RALB: variants seen among roughly 807,000 people sequenced by gnomAD.
The protein encoded by RALB is ras-related protein Ral-B.
A neutral mutation model predicts 21.3 loss-of-function variants in RALB; 16 were observed. That is an observed-to-expected ratio of 0.75 (90% CI 0.51 to 1.14). The LOEUF is 1.14. RALB is among the 50% of genes most tolerant of loss of function. The pLI is 0.00. For missense variants in RALB, 161 were observed against 256.2 expected (o/e 0.63, Z 2.54); for synonymous variants, 93 against 96.1 (o/e 0.97, Z 0.19).
Position 120,281,333 on chromosome 2 carries a change from T to C in RALB, c.114+2555T>C, listed in dbSNP as rs373497706. 7.2e-5 allele frequency among the ~76,000 whole-genome samples: 11 copies of C among 152,376 alleles called. No homozygotes were observed. In the East Asian group the frequency reaches 1.5e-3, roughly 21 times the overall value. The stretch of plus-strand genomic sequence containing the variant: ...CCGGCAGGACAGTCTCCAGCCAGCC[T>C]AGACGGTCTTATAAAATGAAATGGA... On this transcript the variant is annotated intron_variant, in intron 2 of 4. Coordinates refer to ENST00000272519, the MANE Select transcript of RALB (RefSeq NM_002881.3).
In RALB at chr2:120,293,491, C is replaced by A; in HGVS notation, c.*231C>A. On this transcript the variant is annotated 3_prime_UTR_variant, in exon 5 of 5. Coordinates refer to ENST00000272519, the MANE Select transcript of RALB (RefSeq NM_002881.3). Reference sequence around the variant, plus strand: ...AGGTTGTGGAATTTCTTTCTTCTCCCCTTCTTCCCTCCCAAAAGCTTAGCT... The same window carrying A: ...AGGTTGTGGAATTTCTTTCTTCTCCACTTCTTCCCTCCCAAAAGCTTAGCT... 3.3e-6 allele frequency: 1 copy of A among 301,850 alleles called. No individual in the cohort carries two copies. Among genetic ancestry groups the A allele is most frequent in the Non-Finnish European group, 6.0e-6 (1 of 166,500 alleles). 18.7% of individuals were successfully genotyped at this position (301,850 alleles called of 1,614,324 possible). A position where few individuals can be genotyped will look rare whatever the true frequency, so the allele number is the denominator to read the frequency against.
chr2:120,264,341 G>A (rs1329567939), intron 1 of RALB, among the ~76,000 whole-genome samples: 2 of 151,806 alleles, frequency 1.3e-5, no homozygotes, highest in Admixed American at 6.6e-5. Context: ...TAGTAGAGAC[G>A]GGGTTTCACC....
At chr2:120,290,463 T>A (rs1306758774) in intron 4 of RALB, among the ~76,000 whole-genome samples, 1 of 152,210 alleles carries the variant, frequency 6.6e-6, no homozygotes, top group African/African-American at 2.4e-5. Flanking sequence ...GAGGTTCCCC[T>A]GGAGGTGCCC....
chr2:120,269,118 G>C (rs1430247241), intron 1 of RALB, among the ~76,000 whole-genome samples: 1 of 152,130 alleles, frequency 6.6e-6, no homozygotes, highest in African/African-American at 2.4e-5. Context: ...TTGTAATTTG[G>C]TTTGTTCCTT....
chr2:120,277,592 G>A (rs1689843036), intron 1 of RALB, among the ~76,000 whole-genome samples: 1 of 152,222 alleles, frequency 6.6e-6, no homozygotes. Context: ...GTGTGATAGT[G>A]TATGGAGTGT....
intron 1 of RALB, among the ~76,000 whole-genome samples, chr2:120,277,859 ATG>A (rs1466692471): frequency 9.8e-5 from 12 of 122,274 alleles, no homozygotes; most frequent in African/African-American, 2.5e-4. Flanking sequence ...GAACATGAGC[ATG>A]TGTGAATGTG....
chr2:120,275,065 T>G (rs1036395211), intron 1 of RALB, among the ~76,000 whole-genome samples: 1 of 152,198 alleles, frequency 6.6e-6, no homozygotes. Flanking sequence ...CTTTATTGGC[T>G]TTAGAGGAGT....
At chr2:120,276,869 C>T (rs527936358) in intron 1 of RALB, among the ~76,000 whole-genome samples, 1 of 152,262 alleles carries the variant, frequency 6.6e-6, no homozygotes, top group South Asian at 2.1e-4. Flanking sequence ...TGAACTAGTT[C>T]TAGGGTCACG....
At chr2:120,277,355 G>C (rs77642533) in intron 1 of RALB, among the ~76,000 whole-genome samples, 1 of 66,980 alleles carries the variant, frequency 1.5e-5, no homozygotes, top group Non-Finnish European at 3.2e-5. Flanking sequence ...GTGAACATGT[G>C]TGTGAGAGCA....
chr2:120,284,940 G>A (rs931337668), intron 2 of RALB, among the ~76,000 whole-genome samples: 6 of 152,154 alleles, frequency 3.9e-5, no homozygotes, highest in African/African-American at 1.2e-4. Flanking sequence ...GTTGTTCCAT[G>A]TTGCAGCGTG....
chr2:120,254,051 T>C (rs181663448), intron 1 of RALB, among the ~76,000 whole-genome samples: 53 of 152,256 alleles, frequency 3.5e-4, no homozygotes, highest in Admixed American at 8.5e-4. Flanking sequence ...CCTGGAGCAA[T>C]AGAAGCACAG....
intron 4 of RALB, among the ~76,000 whole-genome samples, chr2:120,292,400 T>C (rs1008065443): frequency 6.6e-6 from 1 of 152,150 alleles, no homozygotes; most frequent in African/African-American, 2.4e-5. Context: ...TGGAGTTAGC[T>C]GGGAAAGCTG....
At chr2:120,248,821 A>G (rs1689010975), upstream of RALB, among the ~76,000 whole-genome samples, 2 of 151,872 alleles carry the variant, frequency 1.3e-5, no homozygotes, top group Admixed American at 1.3e-4. Flanking sequence ...AGAGGTGTGC[A>G]CCACTGTCTG....
At chr2:120,283,372 C>T (rs1690044719) in intron 2 of RALB, among the ~76,000 whole-genome samples, 1 of 152,174 alleles carries the variant, frequency 6.6e-6, no homozygotes, top group African/African-American at 2.4e-5. Flanking sequence ...CCAGGGAAGC[C>T]GAAAGATTGG....
At position 120,289,624 on chromosome 2, in the gene RALB, T is replaced by C; in HGVS notation, c.368T>C (p.Leu123Pro). 1.2e-6 allele frequency: 2 copies of C among 1,614,186 alleles called. No homozygotes were observed. The highest frequency in any genetic ancestry group is 1.7e-6 in the Non-Finnish European group (2 of 1,179,986). ...AAGGCTGAAGAAGATAAAATTCCACTGCTCGTCGTGGGAAACAAGTCTGAC... is the reference window on the plus strand; with the variant it reads ...AAGGCTGAAGAAGATAAAATTCCACCGCTCGTCGTGGGAAACAAGTCTGAC... ...RVKAEEDKIP[L>P]LVVGNKSDLE... Residue 123 changes from leucine (L) to proline (P), a missense_variant, in exon 4 of 5, where the codon CTG becomes CCG. Leu to Pro is a moderately conservative substitution (Grantham distance 98, BLOSUM62 -3). Coordinates refer to ENST00000272519, the MANE Select transcript of RALB (RefSeq NM_002881.3).
intron 1 of RALB, among the ~76,000 whole-genome samples, chr2:120,272,314 T>C (rs1191951950): frequency 1.3e-5 from 2 of 152,174 alleles, no homozygotes; most frequent in Admixed American, 6.6e-5. Flanking sequence ...GTTCTGAAAT[T>C]GTTAGTGAAT....
Position 120,285,967 on chromosome 2 carries a change from G to T in RALB, c.208G>T (p.Ala70Ser). The T allele has an allele frequency of 1.2e-6, 2 of 1,613,954 alleles. No individual in the cohort carries two copies. The highest frequency in any genetic ancestry group is 8.5e-7 in the Non-Finnish European group (1 of 1,179,888). ...EEVQIDILDT[A>S]GQEDYAAIRD... ...AGTTCAGATAGATATTCTGGACACC[G>T]CTGGGCAAGAGGACTACGCAGCCAT... The change falls in exon 3 of 5, where the codon GCT (alanine) becomes TCT (serine). Residue 70 changes from alanine to serine, a missense_variant. Physicochemically the swap from Ala to Ser is moderately conservative, Grantham distance 99 (BLOSUM62 1). Coordinates refer to ENST00000272519, the MANE Select transcript of RALB (RefSeq NM_002881.3).
intron 1 of RALB, among the ~76,000 whole-genome samples, chr2:120,271,269 C>T (rs984670315): frequency 6.6e-6 from 1 of 152,198 alleles, no homozygotes; most frequent in Non-Finnish European, 1.5e-5. Flanking sequence ...CATTTTACTT[C>T]TCAAGTGAAT....
intron 2 of RALB, among the ~76,000 whole-genome samples, chr2:120,281,205 G>C (rs776591145): frequency 6.6e-6 from 1 of 152,162 alleles, no homozygotes; most frequent in Non-Finnish European, 1.5e-5. Context: ...AGTTCCTTGT[G>C]GGTGTAGGAC....
Sources: gnomAD v4.1 joint callset for allele counts (sites outside exome capture counted in the v4.1 genomes callset) on GRCh38, gnomAD v4.1.1 for gene constraint, MANE v1.5 for transcripts, NCBI Gene and HGNC (gene_info 2026-07-23, HGNC 2026-07-21) for gene names.